The following ASTN1 variants were observed in gnomAD, a reference collection of about 807,000 sequenced individuals.
ASTN1 encodes the protein astrotactin-1.
In ASTN1, 41 loss-of-function variants were observed where a neutral mutation model predicts 140.7. The observed-to-expected ratio is 0.29, with a 90% confidence interval of 0.23 to 0.38. ASTN1 has a LOEUF of 0.38. Ranked by LOEUF, ASTN1 falls within the 10% of genes least tolerant of loss-of-function variation. The pLI, the probability that ASTN1 is intolerant of heterozygous loss-of-function variation, is 1.00. For missense variants in ASTN1, 1,479 were observed against 1,678.8 expected (o/e 0.88, Z 2.08); for synonymous variants, 640 against 652.2 (o/e 0.98, Z 0.29).
At chr1:176,915,619 G>C (rs1383192379) in intron 16 of ASTN1, among the ~76,000 whole-genome samples, 1 of 152,140 alleles carries the variant, frequency 6.6e-6, no homozygotes, top group Non-Finnish European at 1.5e-5. Flanking sequence ...ACAGCTTCCG[G>C]TGGTATCATT....
At chr1:176,955,523 T>G (rs922918634) in intron 11 of ASTN1, among the ~76,000 whole-genome samples, 2 of 152,244 alleles carry the variant, frequency 1.3e-5, no homozygotes, top group South Asian at 2.1e-4. Flanking sequence ...CGTGGTCCAG[T>G]GGCTTCAAAG....
chr1:177,099,325 G>A (rs1396849326), intron 1 of ASTN1, among the ~76,000 whole-genome samples: 7 of 152,000 alleles, frequency 4.6e-5, no homozygotes, highest in African/African-American at 1.2e-4. Flanking sequence ...TAAAGTCCTC[G>A]CTTATATTTT....
intron 8 of ASTN1, among the ~76,000 whole-genome samples, chr1:176,985,291 A>AC (rs763606170): frequency 3.3e-5 from 5 of 152,032 alleles, no homozygotes; most frequent in Admixed American, 3.3e-4. Context: ...CTCAGTCTCC[A>AC]CCCGCACCTC....
chr1:176,989,554 C>T (rs948526653), intron 8 of ASTN1, among the ~76,000 whole-genome samples: 3 of 152,112 alleles, frequency 2.0e-5, no homozygotes, highest in African/African-American at 7.2e-5. Context: ...CAGAGGTTCA[C>T]TTTCTTTTTT....
chr1:177,151,427 A>T (rs1683028709), intron 1 of ASTN1, among the ~76,000 whole-genome samples: 1 of 141,638 alleles, frequency 7.1e-6, no homozygotes, highest in Non-Finnish European at 1.5e-5. Flanking sequence ...TTACTTTCTT[A>T]AAAAAAAAAA....
rs113998184 is a variant in ASTN1, at chr1:177,059,692, G to T, written c.471+1386C>A. Among the ~76,000 whole-genome samples the T allele has an allele frequency of 3.7e-3, 570 of 152,290 alleles. 4 individuals carry two copies. The highest frequency in any genetic ancestry group is 5.8e-3 in the Non-Finnish European group (397 of 68,024). ...AGGCTTACATTTTGAGATTTTATCA[G>T]AGATTTTATAGAGAGATTTTCCATC... On this transcript the variant is annotated intron_variant, in intron 2 of 22. Coordinates refer to ENST00000361833, the MANE Select transcript of ASTN1 (RefSeq NM_004319.3).
chr1:176,997,150 T>A (rs1674493939), intron 8 of ASTN1, among the ~76,000 whole-genome samples: 1 of 152,194 alleles, frequency 6.6e-6, no homozygotes. Context: ...CATTGCCACC[T>A]GGTATTACCA....
chr1:176,989,143 G>C, intron 8 of ASTN1, among the ~76,000 whole-genome samples: 1 of 152,146 alleles, frequency 6.6e-6, no homozygotes, highest in Non-Finnish European at 1.5e-5. Flanking sequence ...AATTGGATTC[G>C]GGGAAGTAAA....
chr1:177,108,906 T>C (rs1423657683), intron 1 of ASTN1, among the ~76,000 whole-genome samples: 3 of 151,930 alleles, frequency 2.0e-5, no homozygotes, highest in Non-Finnish European at 4.4e-5. Flanking sequence ...ATGGATGAGA[T>C]CATCTAGGAA....
At chr1:176,974,782 C>A (rs1673293231) in intron 8 of ASTN1, among the ~76,000 whole-genome samples, 1 of 152,170 alleles carries the variant, frequency 6.6e-6, no homozygotes, top group Admixed American at 6.5e-5. Context: ...CTCAAGGGTA[C>A]AACCTTGCCC....
At chr1:176,958,515 C>G in intron 9 of ASTN1, 33 bp from the exon 10 acceptor site, 1 of 1,584,914 alleles carries the variant, frequency 6.3e-7, no homozygotes, top group Non-Finnish European at 8.6e-7. Flanking sequence ...GTGGTCATGA[C>G]TGGGGGCATA....
chr1:176,910,947 TC>T (rs1670211462), intron 16 of ASTN1, among the ~76,000 whole-genome samples: 1 of 152,158 alleles, frequency 6.6e-6, no homozygotes, highest in South Asian at 2.1e-4. Context: ...TCTTGAATCA[TC>T]CCCAAACCAT....
At chr1:176,909,697 A>G (rs1670147571) in intron 16 of ASTN1, among the ~76,000 whole-genome samples, 1 of 150,320 alleles carries the variant, frequency 6.7e-6, no homozygotes, top group Admixed American at 6.6e-5. Flanking sequence ...TAAATCTTGA[A>G]TAACTATTTA....
intron 1 of ASTN1, among the ~76,000 whole-genome samples, chr1:177,110,718 T>C (rs925976517): frequency 1.3e-5 from 2 of 152,128 alleles, no homozygotes; most frequent in Admixed American, 1.3e-4. Flanking sequence ...CCCAAAGAGA[T>C]TAGACAATGC....
intron 2 of ASTN1, among the ~76,000 whole-genome samples, chr1:177,036,036 CTTTTTTTTTTTT>C (rs869200407): frequency 5.1e-5 from 4 of 78,788 alleles, no homozygotes; most frequent in East Asian, 7.8e-4. Context: ...CCTCAGCTTT[CTTTTTTTTTTTT>C]TTTTTTTTTT....
intron 16 of ASTN1, among the ~76,000 whole-genome samples, chr1:176,925,341 T>C (rs558794412): frequency 2.0e-5 from 3 of 152,290 alleles, no homozygotes; most frequent in Admixed American, 6.5e-5. Context: ...GATAAATATA[T>C]AGACTTGTTA....
intron 18 of ASTN1, among the ~76,000 whole-genome samples, chr1:176,887,316 C>G (rs1207796943): frequency 6.6e-6 from 1 of 152,210 alleles, no homozygotes; most frequent in East Asian, 1.9e-4. Flanking sequence ...ATGAAACTGG[C>G]TTCCTCCTCA....
chr1:176,880,085 C>T (rs1668731708), intron 20 of ASTN1, among the ~76,000 whole-genome samples: 1 of 152,168 alleles, frequency 6.6e-6, no homozygotes, highest in Non-Finnish European at 1.5e-5. Context: ...TGGGAAGGCT[C>T]ATGTGTTAGT....
At chr1:177,148,194 G>A (rs1368398195) in intron 1 of ASTN1, among the ~76,000 whole-genome samples, 4 of 152,064 alleles carry the variant, frequency 2.6e-5, no homozygotes, top group South Asian at 2.1e-4. Context: ...CGAGGCAGGC[G>A]GATCACAAGG....
Sources: allele counts gnomAD v4.1 joint callset (sites outside exome capture counted in the v4.1 genomes callset), GRCh38; gene constraint gnomAD v4.1.1; transcripts MANE v1.5; gene names NCBI Gene and HGNC (gene_info 2026-07-23, HGNC 2026-07-21).